The following WDR33 variants were observed in gnomAD, a reference collection of about 807,000 sequenced individuals.
WDR33 encodes the protein WD repeat domain 33.
A neutral mutation model predicts 164.9 loss-of-function variants in WDR33; 47 were observed. The ratio of observed to expected loss-of-function variants is 0.29; its 90% CI spans 0.23 to 0.36. The LOEUF is 0.36. Ranked by LOEUF, WDR33 falls within the 10% of genes least tolerant of loss-of-function variation. The pLI, the probability that WDR33 is intolerant of heterozygous loss-of-function variation, is 1.00. For synonymous variants in WDR33, 505 were observed against 589.0 expected (o/e 0.86, Z 2.06); for missense variants, 1,137 against 1,754.1 (o/e 0.65, Z 6.28).
At chr2:127,746,983 A>G (rs1310930568) in intron 7 of WDR33, among the ~76,000 whole-genome samples, 1 of 152,234 alleles carries the variant, frequency 6.6e-6, no homozygotes, top group Non-Finnish European at 1.5e-5. Flanking sequence ...TGTTATTTAA[A>G]AAAATGTAAA....
At chr2:127,711,771 TA>T (rs1558919369) in intron 18 of WDR33, among the ~76,000 whole-genome samples, 936 of 85,502 alleles carry the variant, frequency 0.011, 73 homozygotes, top group Admixed American at 0.014. Context: ...TATATATATA[TA>T]TATATATATT....
rs1413201012 is a variant in WDR33 at position 127,713,970 on chromosome 2, C to A, written c.2921G>T (p.Arg974Leu). Residue 974 changes from arginine to leucine, a missense_variant, in exon 18 of 22, where the codon CGG becomes CTG. Physicochemically the swap from Arg to Leu is moderately radical, Grantham distance 102. Around this residue, in one of 9 missense-constraint regions of WDR33, gnomAD observed 867 missense variants for 1,073.0 expected, o/e 0.81. Coordinates refer to ENST00000322313, the MANE Select transcript of WDR33 (RefSeq NM_018383.5). The surrounding 1 kb of genome is among the most constrained non-coding windows in gnomAD (Gnocchi z 6.2). ...CTCAGGCCCGCCGCTCTGCTCATGC[C>A]GCCTCTCTGACATCGGGCCCATGTG... is the stretch of plus-strand genomic sequence containing the variant. ...NHHMGPMSER[R>L]HEQSGGPEHG... 6 of 1,560,620 alleles carry A rather than the reference C, an allele frequency of 3.8e-6. No homozygotes were observed. Among genetic ancestry groups the A allele is most frequent in the East Asian group, 4.5e-5 (2 of 44,456 alleles).
rs1254277169 is a variant in WDR33 at position 127,723,410 on chromosome 2, T to C, written c.1197-63A>G. On this transcript the variant is annotated intron_variant, in intron 11 of 21. Transcript: ENST00000322313. The surrounding 1 kb of genome is among the most constrained non-coding windows in gnomAD (Gnocchi z 5.9). ...CACTATTTTTTTGGGCACTAAACAG[T>C]ACTAGGCAGACCCTTGGTAAACACA... The C allele has an allele frequency of 4.7e-6, 6 of 1,287,036 alleles. No homozygotes were observed. In the East Asian group the frequency reaches 1.2e-4, roughly 25 times the overall value. 79.7% of individuals were successfully genotyped at this position (1,287,036 alleles called of 1,614,324 possible).
intron 1 of WDR33, among the ~76,000 whole-genome samples, chr2:127,778,038 A>G (rs1688242056): frequency 6.6e-6 from 1 of 152,212 alleles, no homozygotes; most frequent in Non-Finnish European, 1.5e-5. Context: ...TCATGCTTGT[A>G]ATCCCAAAAC....
chr2:127,707,713 G>T (rs924962816), intron 21 of WDR33, among the ~76,000 whole-genome samples: 1 of 152,218 alleles, frequency 6.6e-6, no homozygotes, highest in South Asian at 2.1e-4. Flanking sequence ...GGCCAGGCAT[G>T]GTGGCTCATG....
rs148124948 is a variant in WDR33, at chr2:127,765,120, T to A, written c.474+54A>T. On this transcript the variant is annotated intron_variant, in intron 5 of 21. Transcript: ENST00000322313. The stretch of plus-strand genomic sequence containing the variant: ...ACAATGCCAATGAAATGACTATATC[T>A]CAAGTTCTTTACAGTACCACAGGAT... 9.9e-4 allele frequency: 1,555 copies of A among 1,577,338 alleles called. 13 individuals carry two copies. In the African/African-American group the frequency reaches 0.018, roughly 18 times the overall value.
At chr2:127,759,032 A>G (rs1687601108) in intron 7 of WDR33, among the ~76,000 whole-genome samples, 1 of 152,218 alleles carries the variant, frequency 6.6e-6, no homozygotes, top group Non-Finnish European at 1.5e-5. Flanking sequence ...TTATTTTATC[A>G]TAAGCTTGGG....
intron 7 of WDR33, among the ~76,000 whole-genome samples, chr2:127,742,770 A>C (rs1406419284): frequency 1.3e-5 from 2 of 151,660 alleles, no homozygotes; most frequent in Admixed American, 6.6e-5. Context: ...CAAAGAAAGA[A>C]AAATCCTTTA....
chr2:127,756,759 T>C (rs1175808071), intron 7 of WDR33, among the ~76,000 whole-genome samples: 1 of 152,142 alleles, frequency 6.6e-6, no homozygotes, highest in East Asian at 1.9e-4. Flanking sequence ...CCTAAATTAA[T>C]AATCATAGGG....
chr2:127,757,918 G>A (rs575635430), intron 7 of WDR33, among the ~76,000 whole-genome samples: 3 of 152,202 alleles, frequency 2.0e-5, no homozygotes, highest in East Asian at 1.9e-4. Flanking sequence ...CAATCATGAA[G>A]GGGCACACAG....
rs778501751 is a variant in WDR33 at position 127,726,808 on chromosome 2, ATTAGTTAC to A, written c.725-39_725-32del. 1 of 1,612,282 alleles carries A rather than the reference ATTAGTTAC, an allele frequency of 6.2e-7. No homozygotes were observed. The highest frequency in any genetic ancestry group is 2.2e-5 in the East Asian group (1 of 44,856). On this transcript the variant is annotated intron_variant, in intron 7 of 21. Transcript: ENST00000322313. This position sits in a 1 kb window ranked among gnomAD's most constrained non-coding sequence, Gnocchi z 4.8. ...GGAAACAAGTTAGGATTAAAACCTA[ATTAGTTAC>A]ATGCATTTAAAGCAATTTAAACCAA...
chr2:127,754,319 A>G (rs933335799), intron 7 of WDR33, among the ~76,000 whole-genome samples: 22 of 152,196 alleles, frequency 1.4e-4, no homozygotes, highest in African/African-American at 5.1e-4. Context: ...TCTGAAAAGG[A>G]AATGCTTTCT....
chr2:127,722,829 T>C lies in WDR33; in HGVS notation c.1379-99A>G. On this transcript the variant is annotated intron_variant, in intron 13 of 21. Coordinates refer to ENST00000322313, the MANE Select transcript of WDR33 (RefSeq NM_018383.5). The surrounding 1 kb of genome is among the most constrained non-coding windows in gnomAD (Gnocchi z 5.1). ...GGAAGAATAGATTTTAAGTATTATGTCATTTATATAATTTTTATCAACATT... is the reference window on the plus strand; with the variant it reads ...GGAAGAATAGATTTTAAGTATTATGCCATTTATATAATTTTTATCAACATT... 2.1e-6 allele frequency: 3 copies of C among 1,424,590 alleles called. No individual in the cohort carries two copies. The highest frequency in any genetic ancestry group is 2.9e-6 in the Non-Finnish European group (3 of 1,051,650). 88.2% of individuals were successfully genotyped at this position (1,424,590 alleles called of 1,614,324 possible).
At chr2:127,782,043 A>G (rs577781696) in intron 1 of WDR33, among the ~76,000 whole-genome samples, 22 of 151,038 alleles carry the variant, frequency 1.5e-4, no homozygotes, top group African/African-American at 5.3e-4. Context: ...GAACACACAT[A>G]TGGAATATTC....
rs778872466 is a variant in WDR33 at position 127,738,042 on chromosome 2, T to C, written c.725-11265A>G. 1.9e-6 allele frequency: 3 copies of C among 1,612,996 alleles called. No individual in the cohort carries two copies. The highest frequency in any genetic ancestry group is 3.3e-5 in the Admixed American group (2 of 59,876). On this transcript the variant is annotated intron_variant, in intron 7 of 21. Transcript: ENST00000322313. This position sits in a 1 kb window ranked among gnomAD's most constrained non-coding sequence, Gnocchi z 4.4. ...AGAAAGGAAGTAACAACGGCAGTGA[T>C]GAAAACATGTATCTATCAAAACAAG...
intron 1 of WDR33, among the ~76,000 whole-genome samples, chr2:127,782,036 C>T (rs112080745): frequency 0.041 from 5,853 of 143,202 alleles, 350 homozygotes; most frequent in African/African-American, 0.13. Flanking sequence ...ATGCTGAGAA[C>T]ACACATATGG....
chr2:127,792,582 C>T (rs1183085016), intron 1 of WDR33, among the ~76,000 whole-genome samples: 2 of 151,748 alleles, frequency 1.3e-5, no homozygotes, highest in African/African-American at 2.4e-5. Flanking sequence ...GCAGGAGAAT[C>T]GCTTGAACCT....
intron 18 of WDR33, among the ~76,000 whole-genome samples, chr2:127,711,920 G>A (rs908553178): frequency 4.0e-5 from 6 of 150,438 alleles, no homozygotes; most frequent in African/African-American, 7.3e-5. Context: ...TTACAGGCAC[G>A]CACCACCATG....
At chr2:127,809,860 T>C (rs1342313355) in intron 1 of WDR33, among the ~76,000 whole-genome samples, 1 of 152,102 alleles carries the variant, frequency 6.6e-6, no homozygotes, top group Non-Finnish European at 1.5e-5. Context: ...CTCAAATCTA[T>C]ACAATATTTT....
Sources: gnomAD v4.1 joint callset for allele counts (sites outside exome capture counted in the v4.1 genomes callset) on GRCh38, gnomAD v4.1.1 for gene constraint, gnomAD v4.1.1 regional missense constraint, Gnocchi (gnomAD v3.1) non-coding constraint, MANE v1.5 for transcripts, NCBI Gene and HGNC (gene_info 2026-07-23, HGNC 2026-07-21) for gene names.